PRDM10: variants seen among roughly 807,000 people sequenced by gnomAD.
PRDM10 encodes PR/SET domain 10.
In PRDM10, 65 loss-of-function variants were observed where a neutral mutation model predicts 133.1. The ratio of observed to expected loss-of-function variants is 0.49; its 90% CI spans 0.40 to 0.60. The LOEUF is 0.60. Among genes scored for constraint, PRDM10 ranks in the 20% least tolerant of loss-of-function variants. PRDM10 has a pLI of 0.00. For missense variants in PRDM10, 1,137 were observed against 1,507.1 expected (o/e 0.75, Z 4.07); for synonymous variants, 582 against 580.4 (o/e 1.00, Z -0.04).
chr11:129,908,777 T>C (rs1475238717), intron 19 of PRDM10, among the ~76,000 whole-genome samples: 1 of 152,174 alleles, frequency 6.6e-6, no homozygotes, highest in East Asian at 1.9e-4. Flanking sequence ...ACTTTTTTTT[T>C]CTTTTTTGAG....
At chr11:129,964,041 A>G (rs1951855567) in intron 1 of PRDM10, among the ~76,000 whole-genome samples, 1 of 152,152 alleles carries the variant, frequency 6.6e-6, no homozygotes, top group African/African-American at 2.4e-5. Context: ...AGTTTGTCTG[A>G]TGTTTCTTCA....
intron 1 of PRDM10, among the ~76,000 whole-genome samples, chr11:129,986,387 T>C (rs1248668709): frequency 2.6e-5 from 4 of 152,066 alleles, no homozygotes; most frequent in Non-Finnish European, 5.9e-5. Context: ...GTGAATTTCG[T>C]TTGCTTTGGG....
At chr11:129,907,152 A>T (rs1186624114) in intron 19 of PRDM10, among the ~76,000 whole-genome samples, 1 of 152,198 alleles carries the variant, frequency 6.6e-6, no homozygotes, top group African/African-American at 2.4e-5. Context: ...GAGGAAAAAA[A>T]CAAACTGCAC....
intron 1 of PRDM10, among the ~76,000 whole-genome samples, chr11:129,962,775 C>T (rs996456083): frequency 2.6e-5 from 4 of 151,904 alleles, no homozygotes; most frequent in Admixed American, 2.6e-4. Flanking sequence ...AAAATATATA[C>T]AAAGATATTC....
intron 17 of PRDM10, among the ~76,000 whole-genome samples, chr11:129,913,943 T>C (rs1434138833): frequency 6.6e-6 from 1 of 152,192 alleles, no homozygotes; most frequent in Non-Finnish European, 1.5e-5. Context: ...AGTTATTCAT[T>C]ATCTGGTAGA....
chr11:129,935,319 A>G (rs1325769822), intron 8 of PRDM10, 101 bp from the exon 9 acceptor site: 2 of 848,224 alleles, frequency 2.4e-6, no homozygotes, highest in East Asian at 4.9e-5. Context: ...CTGCAGCCCA[A>G]AGAGTTCATA....
chr11:129,949,441 T>C (rs574001086), intron 4 of PRDM10, among the ~76,000 whole-genome samples: 2 of 152,378 alleles, frequency 1.3e-5, no homozygotes, highest in East Asian at 3.9e-4. Context: ...TGATATCATA[T>C]ACTTCCTCCT....
chr11:129,955,849 T>C (rs577986651), intron 3 of PRDM10, among the ~76,000 whole-genome samples: 1 of 152,336 alleles, frequency 6.6e-6, no homozygotes, highest in African/African-American at 2.4e-5. Context: ...TGGGACTGAA[T>C]GTCACAGTTA....
At chr11:129,913,957 AAC>A (rs1341900091) in intron 17 of PRDM10, among the ~76,000 whole-genome samples, 11 of 152,328 alleles carry the variant, frequency 7.2e-5, no homozygotes, top group African/African-American at 2.4e-4. Context: ...TGGTAGAAGG[AAC>A]ACAGTTATAC....
chr11:129,922,452 A>G (rs1220690736), intron 13 of PRDM10, among the ~76,000 whole-genome samples: 1 of 152,246 alleles, frequency 6.6e-6, no homozygotes, highest in Non-Finnish European at 1.5e-5. Flanking sequence ...ATTAAATTAT[A>G]TTCTATAACA....
At chr11:129,955,401 A>G in intron 4 of PRDM10, 111 bp downstream of exon 4, 1 of 975,408 alleles carries the variant, frequency 1.0e-6, no homozygotes, top group Non-Finnish European at 1.5e-6. Context: ...GAACATTCTT[A>G]GTACATGAGA....
intron 17 of PRDM10, among the ~76,000 whole-genome samples, chr11:129,914,314 G>A (rs1467510336): frequency 1.3e-5 from 2 of 152,052 alleles, no homozygotes; most frequent in African/African-American, 2.4e-5. Context: ...TCAATATTAT[G>A]CTTTATGACC....
At chr11:129,944,571 C>T (rs1259556549) in intron 6 of PRDM10, among the ~76,000 whole-genome samples, 200 bp downstream of exon 6, 1 of 139,930 alleles carries the variant, frequency 7.1e-6, no homozygotes, top group Non-Finnish European at 1.5e-5. Context: ...GGCGACAGAG[C>T]AAGACTCCGT....
rs770231327 is a variant in PRDM10 at position 129,945,429 on chromosome 11, C to G, written c.521-417G>C. Among the ~76,000 whole-genome samples, 1 of 152,072 alleles carries G rather than the reference C, an allele frequency of 6.6e-6. No individual in the cohort carries two copies. The highest frequency in any genetic ancestry group is 1.5e-5 in the Non-Finnish European group (1 of 68,036). On this transcript the variant is annotated intron_variant, in intron 5 of 20. Transcript: ENST00000360871. This position sits in a 1 kb window ranked among gnomAD's most constrained non-coding sequence, Gnocchi z 4.2. Reference sequence around the variant, plus strand: ...TATCTCAATAAAACTATTCCGGGGCCGGGGAGGAACCCTGACAATACTATT... The same window carrying G: ...TATCTCAATAAAACTATTCCGGGGCGGGGGAGGAACCCTGACAATACTATT...
At chr11:129,969,889 T>C (rs1244638508) in intron 1 of PRDM10, among the ~76,000 whole-genome samples, 1 of 152,134 alleles carries the variant, frequency 6.6e-6, no homozygotes, top group Non-Finnish European at 1.5e-5. Context: ...AAACACACCT[T>C]CTAAACTCAT....
Position 129,902,188 on chromosome 11 carries a change from A to T in PRDM10, c.*125T>A, listed in dbSNP as rs1949859717. On this transcript the variant is annotated 3_prime_UTR_variant, in exon 21 of 21. Transcript: ENST00000360871. ...AAACCCCAGTGTATGGATGAGAGAC[A>T]AAACTGTGGTTTCCGAACTCTTGAG... 1.5e-6 allele frequency: 2 copies of T among 1,348,502 alleles called. No homozygotes were observed. Among genetic ancestry groups the T allele is most frequent in the African/African-American group, 2.9e-5 (2 of 68,184 alleles). The allele number at this position is 1,348,502 out of a possible 1,614,324, so 83.5% of individuals were successfully genotyped here.
At chr11:129,982,783 C>T (rs1291121155) in intron 1 of PRDM10, among the ~76,000 whole-genome samples, 1 of 151,794 alleles carries the variant, frequency 6.6e-6, no homozygotes, top group Non-Finnish European at 1.5e-5. Context: ...AGACCTCCCC[C>T]CAACCATCTC....
At position 129,931,100 on chromosome 11, in the gene PRDM10, G is replaced by A; in HGVS notation, c.1446C>T (p.His482=). Residue 482 remains histidine, a synonymous_variant, in exon 11 of 21, where the codon CAC becomes CAT. Transcript: ENST00000360871. The part of the protein sequence containing the change: ...LEHEPETHTL[H]LQPQHEESVV... ...CGCTCTCTTCATGCTGCGGCTGCAG[G>A]TGCAGGGTGTGAGTTTCTGGTTCAT... is the stretch of plus-strand genomic sequence containing the variant. 1 of 1,614,154 alleles carries A rather than the reference G, an allele frequency of 6.2e-7. No homozygotes were observed. The highest frequency in any genetic ancestry group is 8.5e-7 in the Non-Finnish European group (1 of 1,179,946).
chr11:129,914,687 A>G lies in PRDM10; in HGVS notation c.2841+17T>C, dbSNP rs748894919. 1.9e-5 allele frequency: 30 copies of G among 1,614,056 alleles called. No individual in the cohort carries two copies. Among genetic ancestry groups the G allele is most frequent in the Non-Finnish European group, 2.3e-5 (27 of 1,180,016 alleles). On this transcript the variant is annotated intron_variant, in intron 17 of 20. Coordinates refer to ENST00000360871, the MANE Select transcript of PRDM10 (RefSeq NM_199437.2). ...CACGGCATTCATAAGGCAAAGGGAA[A>G]CCAAGGCACGCAGTACCGAGGCCAC...
Sources: gnomAD v4.1 joint callset for allele counts (sites outside exome capture counted in the v4.1 genomes callset) on GRCh38, gnomAD v4.1.1 for gene constraint, Gnocchi (gnomAD v3.1) non-coding constraint, MANE v1.5 for transcripts, NCBI Gene and HGNC (gene_info 2026-07-23, HGNC 2026-07-21) for gene names.